Variants in SNTB1 observed in about 807,000 individuals in gnomAD.
SNTB1 encodes syntrophin beta 1.
SNTB1 carries 36 observed loss-of-function variants against 48.9 expected under a neutral mutation model. The ratio of observed to expected loss-of-function variants is 0.74; its 90% CI spans 0.56 to 0.97. The LOEUF is 0.97. SNTB1 is among the 50% of genes least tolerant of loss of function. The probability of loss-of-function intolerance (pLI) is 0.00; values close to 1 mark genes in which losing one functional copy is unlikely to be tolerated. For missense variants in SNTB1, 786 were observed against 703.4 expected (o/e 1.12, Z -1.33); for synonymous variants, 299 against 294.6 (o/e 1.01, Z -0.15).
chr8:120,665,376 TG>T (rs1175098577), intron 2 of SNTB1, among the ~76,000 whole-genome samples: 2 of 152,048 alleles, frequency 1.3e-5, no homozygotes, highest in African/African-American at 4.8e-5. Context: ...TGCTTGAACC[TG>T]GGAGGCGGAG....
At chr8:120,684,920 T>C (rs1374199655) in intron 2 of SNTB1, among the ~76,000 whole-genome samples, 1 of 152,200 alleles carries the variant, frequency 6.6e-6, no homozygotes, top group East Asian at 1.9e-4. Context: ...CATCCCAAAG[T>C]GCTGGGATTA....
At chr8:120,755,580 C>T (rs1283487371) in intron 1 of SNTB1, among the ~76,000 whole-genome samples, 1 of 152,096 alleles carries the variant, frequency 6.6e-6, no homozygotes, top group Non-Finnish European at 1.5e-5. Context: ...AAAGGAAACT[C>T]ATAAGACGAG....
chr8:120,564,183 T>G (rs2130671538), intron 4 of SNTB1, among the ~76,000 whole-genome samples: 1 of 151,952 alleles, frequency 6.6e-6, no homozygotes, highest in African/African-American at 2.4e-5. Context: ...CCAATTCATG[T>G]GTTGAAGCCC....
chr8:120,752,987 GAAAAAAAAA>G lies in SNTB1; in HGVS notation c.571+58277_571+58285del, dbSNP rs60198716. The stretch of plus-strand genomic sequence containing the variant: ...CCTGAGCCTAAAACAAAAGCTGGAA[GAAAAAAAAA>G]AAAAAAAAAAAAGACTTGTTTTTAC... On this transcript the variant is annotated intron_variant, in intron 1 of 6. Transcript: ENST00000517992. Among the ~76,000 whole-genome samples, 201 of 76,564 alleles carry G rather than the reference GAAAAAAAAA, an allele frequency of 2.6e-3. 2 individuals carry two copies. Among genetic ancestry groups the G allele is most frequent in the South Asian group, 9.6e-3 (25 of 2,594 alleles). The allele number at this position is 76,564 out of a possible 152,430, so 50.2% of individuals were successfully genotyped here.
intron 4 of SNTB1, among the ~76,000 whole-genome samples, chr8:120,563,602 T>A (rs1311323494): frequency 1.3e-5 from 2 of 152,096 alleles, no homozygotes; most frequent in Non-Finnish European, 2.9e-5. Flanking sequence ...CAGAAAAATA[T>A]AAATTAGATG....
chr8:120,659,767 A>T (rs143612989), intron 2 of SNTB1, among the ~76,000 whole-genome samples: 2 of 152,304 alleles, frequency 1.3e-5, no homozygotes, highest in Non-Finnish European at 2.9e-5. Context: ...AGGCTATATG[A>T]TTCATGCCTT....
intron 6 of SNTB1, among the ~76,000 whole-genome samples, 160 bp from the exon 7 acceptor site, chr8:120,539,129 C>G (rs369031324): frequency 6.6e-6 from 1 of 152,148 alleles, no homozygotes; most frequent in South Asian, 2.1e-4. Context: ...GATAAAGGAA[C>G]AACTCTTTGA....
chr8:120,648,815 A>G (rs1014052841), intron 2 of SNTB1, among the ~76,000 whole-genome samples: 2 of 152,194 alleles, frequency 1.3e-5, no homozygotes, highest in African/African-American at 4.8e-5. Flanking sequence ...AATCAGATGT[A>G]GATTTGGTCT....
chr8:120,753,957 A>C (rs1349138833), intron 1 of SNTB1, among the ~76,000 whole-genome samples: 1 of 152,202 alleles, frequency 6.6e-6, no homozygotes, highest in African/African-American at 2.4e-5. Flanking sequence ...AATCATAGAT[A>C]CATTCATTCT....
Position 120,537,673 on chromosome 8 carries a change from A to C in SNTB1, c.*1204T>G, listed in dbSNP as rs577606872. On this transcript the variant is annotated 3_prime_UTR_variant, in exon 7 of 7. Coordinates refer to ENST00000517992, the MANE Select transcript of SNTB1 (RefSeq NM_021021.4). The stretch of plus-strand genomic sequence containing the variant: ...GTTTGAGAAAAGTGACTTCAAAATC[A>C]ATAGGTGTTATTTTTAGTGAATTTG... 13 of 152,344 alleles carry C rather than the reference A, an allele frequency of 8.5e-5. No individual in the cohort carries two copies. The highest frequency in any genetic ancestry group is 1.8e-4 in the Non-Finnish European group (12 of 68,032). 9.4% of individuals were successfully genotyped at this position (152,344 alleles called of 1,614,324 possible).
At chr8:120,557,814 T>C (rs1053038826) in intron 4 of SNTB1, among the ~76,000 whole-genome samples, 1 of 152,232 alleles carries the variant, frequency 6.6e-6, no homozygotes, top group Admixed American at 6.5e-5. Context: ...ATACATGTTT[T>C]TCAAAAGGTT....
At chr8:120,716,061 C>T (rs745865777) in intron 1 of SNTB1, among the ~76,000 whole-genome samples, 5 of 152,328 alleles carry the variant, frequency 3.3e-5, no homozygotes, top group Non-Finnish European at 7.3e-5. Flanking sequence ...CATCATCTTT[C>T]CCACTAGATT....
intron 2 of SNTB1, among the ~76,000 whole-genome samples, chr8:120,673,598 T>C (rs1817789935): frequency 6.6e-6 from 1 of 152,068 alleles, no homozygotes; most frequent in African/African-American, 2.4e-5. Flanking sequence ...GCTGATTTCC[T>C]GTGCTTTTAA....
chr8:120,591,514 T>G (rs1816240102), intron 3 of SNTB1, among the ~76,000 whole-genome samples: 1 of 152,122 alleles, frequency 6.6e-6, no homozygotes, highest in South Asian at 2.1e-4. Context: ...AAAACTCTGG[T>G]TTTATACCTC....
intron 2 of SNTB1, among the ~76,000 whole-genome samples, chr8:120,650,783 G>A (rs910873814): frequency 5.9e-5 from 9 of 152,194 alleles, no homozygotes; most frequent in African/African-American, 2.2e-4. Context: ...AGAGAGTAAA[G>A]ACATTCCATT....
chr8:120,738,424 C>T (rs951022672), intron 1 of SNTB1, among the ~76,000 whole-genome samples: 5 of 152,124 alleles, frequency 3.3e-5, no homozygotes, highest in Middle Eastern at 3.2e-3. Context: ...TGCAGGTGAT[C>T]GAAGACCTTA....
At chr8:120,644,018 A>G (rs538429834) in intron 2 of SNTB1, among the ~76,000 whole-genome samples, 60 of 152,210 alleles carry the variant, frequency 3.9e-4, no homozygotes, top group Non-Finnish European at 7.6e-4. Context: ...ACATATCTAT[A>G]TCTTAAAACC....
chr8:120,733,292 C>A (rs1818883317), intron 1 of SNTB1, among the ~76,000 whole-genome samples: 1 of 152,222 alleles, frequency 6.6e-6, no homozygotes, highest in Non-Finnish European at 1.5e-5. Context: ...TGTTAAAAAT[C>A]TGGCTGTGGT....
At chr8:120,581,766 TA>T (rs1489316296) in intron 3 of SNTB1, among the ~76,000 whole-genome samples, 14 of 152,204 alleles carry the variant, frequency 9.2e-5, no homozygotes, top group Non-Finnish European at 2.9e-5. Flanking sequence ...TTTACTTATT[TA>T]TTTTTTTAGA....
Sources: allele counts gnomAD v4.1 joint callset (sites outside exome capture counted in the v4.1 genomes callset), GRCh38; gene constraint gnomAD v4.1.1; transcripts MANE v1.5; gene names NCBI Gene and HGNC (gene_info 2026-07-23, HGNC 2026-07-21).